VASN: variants seen among roughly 807,000 people sequenced by gnomAD.
The protein encoded by VASN is protein slit-like 2.
Under a neutral mutation model 4.8 loss-of-function variants are expected in VASN, and 5 were observed. The observed-to-expected ratio is 1.03, with a 90% confidence interval of 0.54 to 2.17. The LOEUF (loss-of-function observed/expected upper bound fraction) is 2.17, where lower values mean the gene tolerates loss of function less well. VASN is among the 30% of genes most tolerant of loss of function. The pLI is 0.01. For synonymous variants in VASN, 499 were observed against 460.8 expected (o/e 1.08, Z -1.06); for missense variants, 927 against 948.8 (o/e 0.98, Z 0.30).
At chr16:4,378,964 C>T (rs1266764952) in intron 1 of VASN, among the ~76,000 whole-genome samples, 4 of 152,052 alleles carry the variant, frequency 2.6e-5, no homozygotes, top group Non-Finnish European at 5.9e-5. Flanking sequence ...GTGGGCCCAA[C>T]CCCGGGGACA....
Position 4,381,596 on chromosome 16 carries a change from G to A in VASN, c.719G>A (p.Gly240Asp), listed in dbSNP as rs745762260. 1 of 1,599,442 alleles carries A rather than the reference G, an allele frequency of 6.3e-7. No homozygotes were observed. The highest frequency in any genetic ancestry group is 1.1e-5 in the South Asian group (1 of 89,334). The change falls in exon 2 of 2, where the codon GGC becomes GAC. Residue 240 changes from glycine to aspartate, a missense_variant. By Grantham distance (94) the Gly-to-Asp change is moderately conservative. Transcript: ENST00000304735. ...RVPPVIRGLR[G>D]LTRLRLAGNT... Reference sequence around the variant, plus strand: ...CCACCTGTGATCCGAGGCCTCCGGGGCCTGACGCGCCTGCGGCTGGCCGGC... The same window carrying A: ...CCACCTGTGATCCGAGGCCTCCGGGACCTGACGCGCCTGCGGCTGGCCGGC...
In VASN at chr16:4,381,578, T is replaced by G. The variant is rs962746651; in HGVS notation, c.701T>G (p.Val234Gly). The G allele has an allele frequency of 1.9e-6, 3 of 1,604,816 alleles. No homozygotes were observed. Among genetic ancestry groups the G allele is most frequent in the Middle Eastern group, 1.7e-4 (1 of 6,038 alleles). Reference sequence around the variant, plus strand: ...AACCAGCTGGAGCGAGTGCCACCTGTGATCCGAGGCCTCCGGGGCCTGACG... The same window carrying G: ...AACCAGCTGGAGCGAGTGCCACCTGGGATCCGAGGCCTCCGGGGCCTGACG... The part of the protein sequence containing the change: ...SDNQLERVPP[V>G]IRGLRGLTRL... Residue 234 changes from valine to glycine, a missense_variant, in exon 2 of 2, where the codon GTG becomes GGG. Val to Gly is a moderately radical substitution (Grantham distance 109, BLOSUM62 -3). Transcript: ENST00000304735.
intron 1 of VASN, among the ~76,000 whole-genome samples, chr16:4,373,131 T>TG (rs1214690253): frequency 6.6e-6 from 1 of 151,942 alleles, no homozygotes; most frequent in Non-Finnish European, 1.5e-5. Flanking sequence ...CCAACAGAGC[T>TG]GGGGCAGGCG....
chr16:4,374,097 G>A (rs1204660711), intron 1 of VASN, among the ~76,000 whole-genome samples: 1 of 151,696 alleles, frequency 6.6e-6, no homozygotes, highest in East Asian at 1.9e-4. Flanking sequence ...GTGTGTGTGT[G>A]TGTGTGTGTC....
chr16:4,378,653 C>T (rs1039908662), intron 1 of VASN, among the ~76,000 whole-genome samples: 3 of 152,064 alleles, frequency 2.0e-5, no homozygotes, highest in African/African-American at 4.8e-5. Flanking sequence ...GCCAGGGACG[C>T]GTGCCTGGGG....
intron 1 of VASN, among the ~76,000 whole-genome samples, chr16:4,377,134 A>G (rs947755075): frequency 3.6e-4 from 55 of 151,922 alleles, no homozygotes; most frequent in African/African-American, 1.3e-3. Flanking sequence ...CCAGGGAGGG[A>G]GCAAGGCCGG....
intron 1 of VASN, among the ~76,000 whole-genome samples, chr16:4,374,249 CT>C (rs2054635677): frequency 6.6e-6 from 1 of 152,122 alleles, no homozygotes; most frequent in African/African-American, 2.4e-5. Context: ...CCTCAGCCTC[CT>C]TCCTTTTATC....
At position 4,381,709 on chromosome 16, in the gene VASN, G is replaced by T; in HGVS notation, c.832G>T (p.Ala278Ser). The change falls in exon 2 of 2, where the codon GCC becomes TCC. Residue 278 changes from alanine (A) to serine (S), a missense_variant. Coordinates refer to ENST00000304735, the MANE Select transcript of VASN (RefSeq NM_138440.3). ...GGATGTGAGCAACCTAAGCCTGCAG[G>T]CCCTGCCTGGCGACCTCTCGGGCCT... The part of the protein sequence containing the change: ...ELDVSNLSLQ[A>S]LPGDLSGLFP... The T allele has an allele frequency of 6.2e-7, 1 of 1,607,362 alleles. No homozygotes were observed.
intron 1 of VASN, among the ~76,000 whole-genome samples, chr16:4,378,364 C>G (rs927329815): frequency 4.6e-5 from 7 of 152,134 alleles, no homozygotes; most frequent in African/African-American, 7.2e-5. Flanking sequence ...AGGCTGGCCA[C>G]GTGGAGGATC....
chr16:4,374,936 C>G (rs1474614485), intron 1 of VASN, among the ~76,000 whole-genome samples: 1 of 152,064 alleles, frequency 6.6e-6, no homozygotes, highest in African/African-American at 2.4e-5. Flanking sequence ...GTGCTTGCCC[C>G]TGGGTGGGGA....
Position 4,381,803 on chromosome 16 carries a change from T to C in VASN, c.926T>C (p.Phe309Ser), listed in dbSNP as rs1331540624. Residue 309 changes from phenylalanine (F) to serine (S), a missense_variant, in exon 2 of 2, where the codon TTT (phenylalanine) becomes TCT (serine). Transcript: ENST00000304735. ...PFNCVCPLSW[F>S]GPWVRESHVT... is the part of the protein sequence containing the mutation. ...AACTGCGTGTGCCCCCTGAGCTGGT[T>C]TGGCCCCTGGGTGCGCGAGAGCCAC... 5.6e-6 allele frequency: 9 copies of C among 1,600,460 alleles called. No homozygotes were observed. Among genetic ancestry groups the C allele is most frequent in the African/African-American group, 1.3e-5 (1 of 75,020 alleles).
intron 1 of VASN, among the ~76,000 whole-genome samples, chr16:4,377,220 C>T (rs573128187): frequency 6.6e-6 from 1 of 152,142 alleles, no homozygotes; most frequent in Non-Finnish European, 1.5e-5. Flanking sequence ...TTCCCACCCC[C>T]CGACGTCCCC....
intron 1 of VASN, among the ~76,000 whole-genome samples, chr16:4,376,377 CCTT>C (rs2054731763): frequency 6.6e-6 from 1 of 152,208 alleles, no homozygotes; most frequent in African/African-American, 2.4e-5. Context: ...CCACACAGAG[CCTT>C]GGCGGGCCAG....
rs1377510175 is a variant in VASN at position 4,381,758 on chromosome 16, C to A, written c.881C>A (p.Ala294Glu). 6.2e-7 allele frequency: 1 copy of A among 1,602,360 alleles called. No individual in the cohort carries two copies. The highest frequency in any genetic ancestry group is 1.1e-5 in the South Asian group (1 of 90,944). ...CTCTTCCCCCGCCTGCGGCTGCTGG[C>A]AGCTGCCCGCAACCCCTTCAACTGC... is the stretch of plus-strand genomic sequence containing the variant. ...SGLFPRLRLL[A>E]AARNPFNCVC... The change falls in exon 2 of 2, where the codon GCA (alanine) becomes GAA (glutamate). Residue 294 changes from alanine to glutamate, a missense_variant. Physicochemically the swap from Ala to Glu is moderately radical, Grantham distance 107 (BLOSUM62 -1). Coordinates refer to ENST00000304735, the MANE Select transcript of VASN (RefSeq NM_138440.3).
chr16:4,377,361 G>A, intron 1 of VASN, among the ~76,000 whole-genome samples: 1 of 150,526 alleles, frequency 6.6e-6, no homozygotes, highest in East Asian at 2.0e-4. Flanking sequence ...TGGGAGGGTG[G>A]GTGGGCGGCG....
rs535718866 is a variant in VASN at position 4,377,914 on chromosome 16, C to G, written c.-9-2955C>G. On this transcript the variant is annotated intron_variant, in intron 1 of 1. Transcript: ENST00000304735. The stretch of plus-strand genomic sequence containing the variant: ...CCACAGTCCTGACCTAGACCCCTGT[C>G]CTGCTAACAGGAACGCACATTCCAC... 7.9e-5 allele frequency among the ~76,000 whole-genome samples: 12 copies of G among 152,316 alleles called. 1 individual carries two copies. The South Asian group carries it at 1.9e-3, about 24-fold the overall frequency.
rs776826030 is a variant in VASN, at chr16:4,382,357, C to T, written c.1480C>T (p.Leu494Phe). 1.2e-6 allele frequency: 2 copies of T among 1,612,062 alleles called. No homozygotes were observed. The highest frequency in any genetic ancestry group is 1.7e-5 in the Admixed American group (1 of 59,980). ...GGGGAGCTCCGTGCAGCTCAGGAGC[C>T]TCCGTCTCACCTATCGCAACCTATC... ...LQGSSVQLRS[L>F]RLTYRNLSGP... The change falls in exon 2 of 2, where the codon CTC becomes TTC. Residue 494 changes from leucine (L) to phenylalanine (F), a missense_variant. Physicochemically the swap from Leu to Phe is conservative, Grantham distance 22. Coordinates refer to ENST00000304735, the MANE Select transcript of VASN (RefSeq NM_138440.3).
At position 4,382,573 on chromosome 16, in the gene VASN, G is replaced by A. The variant is rs1596308367; in HGVS notation, c.1696G>A (p.Val566Ile). 1 of 1,593,534 alleles carries A rather than the reference G, an allele frequency of 6.3e-7. No homozygotes were observed. The highest frequency in any genetic ancestry group is 8.5e-7 in the Non-Finnish European group (1 of 1,171,754). The change falls in exon 2 of 2, where the codon GTC (valine) becomes ATC (isoleucine). Residue 566 changes from valine to isoleucine, a missense_variant. Transcript: ENST00000304735. ...AGCCGTCCACTCCAACCACGCCCCA[G>A]TCACCCAGGCCCGCGAGGGCAACCT... is the stretch of plus-strand genomic sequence containing the variant. ...PPAVHSNHAPVTQAREGNLPL... is the reference protein window; with the variant it reads ...PPAVHSNHAPITQAREGNLPL...
In VASN at chr16:4,382,096, C is replaced by A. The variant is rs763333835; in HGVS notation, c.1219C>A (p.Gln407Lys). The A allele has an allele frequency of 2.5e-6, 4 of 1,584,124 alleles. No individual in the cohort carries two copies. The African/African-American group carries it at 4.0e-5, about 16-fold the overall frequency. The change falls in exon 2 of 2, where the codon CAG becomes AAG. Residue 407 changes from glutamine (Q) to lysine (K), a missense_variant. Gln to Lys is a moderately conservative substitution (Grantham distance 53). Transcript: ENST00000304735. The stretch of plus-strand genomic sequence containing the variant: ...GACTGTAGGGCCTGTCCCCCAGCCC[C>A]AGGACTGCCCACCGTCCACCTGCCT... The part of the protein sequence containing the change: ...PPTVGPVPQP[Q>K]DCPPSTCLNG...
Sources: gnomAD v4.1 joint callset for allele counts (sites outside exome capture counted in the v4.1 genomes callset) on GRCh38, gnomAD v4.1.1 for gene constraint, MANE v1.5 for transcripts, NCBI Gene and HGNC (gene_info 2026-07-23, HGNC 2026-07-21) for gene names.